The following SULT2B1 variants were observed in gnomAD, a reference collection of about 807,000 sequenced individuals.
SULT2B1 encodes the protein sulfotransferase 2B1.
A neutral mutation model predicts 33.2 loss-of-function variants in SULT2B1; 16 were observed. That is an observed-to-expected ratio of 0.48 (90% confidence interval 0.33 to 0.73). The LOEUF (loss-of-function observed/expected upper bound fraction) is 0.73. SULT2B1 is among the 30% of genes least tolerant of loss of function. The pLI is 0.02. For synonymous variants in SULT2B1, 186 were observed against 200.5 expected (o/e 0.93, Z 0.61); for missense variants, 500 against 506.0 (o/e 0.99, Z 0.11).
At chr19:48,569,452 A>T in intron 1 of SULT2B1, among the ~76,000 whole-genome samples, 1 of 72,402 alleles carries the variant, frequency 1.4e-5, no homozygotes, top group Non-Finnish European at 2.9e-5. Flanking sequence ...GGATTCAGTG[A>T]CATCTATCTG....
chr19:48,599,390 A>C lies in SULT2B1; in HGVS notation c.1082A>C (p.His361Pro). Reference sequence around the variant, plus strand: ...CCCGGCCAGGCCTCTGAGACCCCGCACCCACGACCCTCATAATAAACACGT... The same window carrying C: ...CCCGGCCAGGCCTCTGAGACCCCGCCCCCACGACCCTCATAATAAACACGT... ...PSPGQASETP[H>P]PRPS Residue 361 changes from histidine (H) to proline (P), a missense_variant, in exon 7 of 7, where the codon CAC becomes CCC. Transcript: ENST00000201586. The surrounding 1 kb of genome is among the most constrained non-coding windows in gnomAD (Gnocchi z 4.1). 1 of 1,554,612 alleles carries C rather than the reference A, an allele frequency of 6.4e-7. No individual in the cohort carries two copies. Among genetic ancestry groups the C allele is most frequent in the Non-Finnish European group, 8.7e-7 (1 of 1,149,292 alleles).
intron 1 of SULT2B1, among the ~76,000 whole-genome samples, chr19:48,554,125 G>C (rs1973062858): frequency 1.3e-5 from 2 of 152,170 alleles, no homozygotes; most frequent in South Asian, 4.1e-4. Flanking sequence ...GACTCCTCCA[G>C]CCCTGATGGC....
At chr19:48,576,931 G>A (rs919067905) in intron 2 of SULT2B1, among the ~76,000 whole-genome samples, 1 of 151,398 alleles carries the variant, frequency 6.6e-6, no homozygotes, top group South Asian at 2.1e-4. Flanking sequence ...ATGAGCCACC[G>A]CGCCTGGCTA....
At chr19:48,577,645 T>G (rs1259864395) in intron 2 of SULT2B1, among the ~76,000 whole-genome samples, 2 of 152,068 alleles carry the variant, frequency 1.3e-5, no homozygotes, top group African/African-American at 4.8e-5. Flanking sequence ...ATTACAGGTG[T>G]GAGCCCGGTC....
intron 2 of SULT2B1, among the ~76,000 whole-genome samples, chr19:48,584,345 AAACGT>A (rs1973535311): frequency 2.0e-5 from 3 of 152,190 alleles, no homozygotes; most frequent in Non-Finnish European, 4.4e-5. Context: ...GGGGAGGGGT[AAACGT>A]CACTGCGTGT....
intron 4 of SULT2B1, among the ~76,000 whole-genome samples, chr19:48,592,423 C>T (rs1350214823): frequency 1.3e-5 from 2 of 152,204 alleles, no homozygotes; most frequent in African/African-American, 2.4e-5. Flanking sequence ...CGCCCTTTGG[C>T]CACGTGTTCC....
chr19:48,572,080 G>C (rs11881295), intron 1 of SULT2B1, among the ~76,000 whole-genome samples: 13,561 of 152,124 alleles, frequency 0.089, 2,007 homozygotes, highest in African/African-American at 0.31. Flanking sequence ...TAGAGTTTCT[G>C]TACGGGTGGC....
intron 1 of SULT2B1, among the ~76,000 whole-genome samples, chr19:48,573,523 G>C (rs1404622596): frequency 6.6e-6 from 1 of 152,106 alleles, no homozygotes; most frequent in Non-Finnish European, 1.5e-5. Context: ...CATGTGGGTG[G>C]GGGACAGGGG....
intron 6 of SULT2B1, among the ~76,000 whole-genome samples, chr19:48,597,287 C>G (rs1428409938): frequency 1.3e-5 from 2 of 151,610 alleles, no homozygotes; most frequent in Non-Finnish European, 2.9e-5. Context: ...GTTTCCTCTT[C>G]CTGCTGTAAC....
chr19:48,575,839 TGAG>T, intron 1 of SULT2B1, 99 bp from the exon 2 acceptor site: 1 of 1,529,716 alleles, frequency 6.5e-7, no homozygotes, highest in Non-Finnish European at 8.8e-7. Context: ...ACTGAGGCTC[TGAG>T]GAGGAAGTTC....
intron 2 of SULT2B1, among the ~76,000 whole-genome samples, chr19:48,584,135 AG>A (rs1973532695): frequency 6.6e-6 from 1 of 152,210 alleles, no homozygotes; most frequent in Admixed American, 6.5e-5. Context: ...CACCACACAC[AG>A]GAATAGCTAA....
At chr19:48,581,858 G>A (rs1320895627) in intron 2 of SULT2B1, among the ~76,000 whole-genome samples, 2 of 148,474 alleles carry the variant, frequency 1.3e-5, no homozygotes, top group African/African-American at 5.0e-5. Context: ...TCATATCAGC[G>A]TCTTCTCAGA....
chr19:48,578,954 A>G (rs951187417), intron 2 of SULT2B1, among the ~76,000 whole-genome samples: 1 of 151,698 alleles, frequency 6.6e-6, no homozygotes, highest in African/African-American at 2.4e-5. Flanking sequence ...ATAAGCCATC[A>G]CCTCCCAATC....
intron 5 of SULT2B1, 72 bp downstream of exon 5, chr19:48,592,888 C>G: frequency 7.3e-7 from 1 of 1,377,836 alleles, no homozygotes. Flanking sequence ...TCTCCCCTTC[C>G]CGAGGGTCTC....
At chr19:48,561,580 C>T (rs1282180010) in intron 1 of SULT2B1, among the ~76,000 whole-genome samples, 5 of 152,118 alleles carry the variant, frequency 3.3e-5, no homozygotes, top group African/African-American at 7.2e-5. Context: ...CGACAGGCGT[C>T]GTGCAGGGTG....
At chr19:48,557,592 A>C (rs1323921794) in intron 1 of SULT2B1, among the ~76,000 whole-genome samples, 1 of 151,826 alleles carries the variant, frequency 6.6e-6, no homozygotes, top group Non-Finnish European at 1.5e-5. Context: ...TGTATGTAAA[A>C]AGGACTTAAA....
chr19:48,565,686 T>C (rs1472462583), intron 1 of SULT2B1, among the ~76,000 whole-genome samples: 1 of 151,736 alleles, frequency 6.6e-6, no homozygotes, highest in Non-Finnish European at 1.5e-5. Flanking sequence ...AGCTAGTGGT[T>C]TTGTTTGTTT....
At chr19:48,555,114 C>T (rs1409023658) in intron 1 of SULT2B1, among the ~76,000 whole-genome samples, 3 of 151,950 alleles carry the variant, frequency 2.0e-5, no homozygotes, top group Non-Finnish European at 2.9e-5. Flanking sequence ...TTTTTTGAGA[C>T]GGAGTCTCAC....
chr19:48,599,268 TCCTGAGCCCAGCCCTGAG>T lies in SULT2B1; in HGVS notation c.971_988del (p.Ser324_Pro329del), dbSNP rs762612026. On this transcript the variant is annotated inframe_deletion, in exon 7 of 7. Coordinates refer to ENST00000201586, the MANE Select transcript of SULT2B1 (RefSeq NM_177973.2). This position sits in a 1 kb window ranked among gnomAD's most constrained non-coding sequence, Gnocchi z 4.1. ...ACCCGGAGGAGGACGGCAGCCCAGATCCTGAGCCCAGCCCTGAGCCTGAGCCCAAGCCCAGCCTTGAGC... is the reference window on the plus strand; with the variant it reads ...ACCCGGAGGAGGACGGCAGCCCAGATCCTGAGCCCAAGCCCAGCCTTGAGC... The T allele has an allele frequency of 2.5e-6, 4 of 1,610,960 alleles. 1 individual carries two copies. In the South Asian group the frequency reaches 3.3e-5, roughly 13 times the overall value.
Sources: gnomAD v4.1 joint callset for allele counts (sites outside exome capture counted in the v4.1 genomes callset) on GRCh38, gnomAD v4.1.1 for gene constraint, Gnocchi (gnomAD v3.1) non-coding constraint, MANE v1.5 for transcripts, NCBI Gene and HGNC (gene_info 2026-07-23, HGNC 2026-07-21) for gene names.